Variants in OSBPL3 observed in about 807,000 individuals in gnomAD.
OSBPL3 encodes the protein oxysterol-binding protein-related protein 3.
In OSBPL3, 65 loss-of-function variants were observed where a neutral mutation model predicts 120.1. That is an observed-to-expected ratio of 0.54 (90% CI 0.44 to 0.67). The LOEUF is 0.67. Ranked by LOEUF, OSBPL3 falls within the 30% of genes least tolerant of loss-of-function variation. The pLI is 0.00. For synonymous variants in OSBPL3, 416 were observed against 402.6 expected, an observed-to-expected ratio of 1.03 and a Z score of -0.40; for missense variants, 1,004 against 1,082.1, an observed-to-expected ratio of 0.93 and a Z score of 1.01.
chr7:24,847,648 G>A (rs1798606113), intron 12 of OSBPL3, among the ~76,000 whole-genome samples: 1 of 152,150 alleles, frequency 6.6e-6, no homozygotes, highest in African/African-American at 2.4e-5. Context: ...AAGCATAAAT[G>A]AACGTTATGT....
intron 1 of OSBPL3, among the ~76,000 whole-genome samples, chr7:24,971,373 T>G (rs1001219409): frequency 1.3e-5 from 2 of 152,128 alleles, no homozygotes; most frequent in African/African-American, 2.4e-5. Flanking sequence ...ACAAATCAGT[T>G]CAAGGAACTA....
intron 1 of OSBPL3, among the ~76,000 whole-genome samples, chr7:24,935,805 T>C (rs567998170): frequency 2.6e-5 from 4 of 152,216 alleles, no homozygotes; most frequent in African/African-American, 4.8e-5. Context: ...TATTTTGCAA[T>C]GAGTATGAGT....
chr7:24,872,085 A>T lies in OSBPL3; in HGVS notation c.97-16T>A. On this transcript the variant is annotated splice_polypyrimidine_tract_variant and intron_variant, in intron 2 of 22. Transcript: ENST00000313367. This position sits in a 1 kb window ranked among gnomAD's most constrained non-coding sequence, Gnocchi z 4.1. Reference sequence around the variant, plus strand: ...CCCAGCTGTCCTGTTCCAACAAAAGAGTTCATGTTAAATGTCTATCTTTTT... The same window carrying T: ...CCCAGCTGTCCTGTTCCAACAAAAGTGTTCATGTTAAATGTCTATCTTTTT... 6.6e-7 allele frequency: 1 copy of T among 1,504,900 alleles called. No homozygotes were observed. The highest frequency in any genetic ancestry group is 1.7e-5 in the Admixed American group (1 of 59,758). The allele number at this position is 1,504,900 out of a possible 1,614,324, so 93.2% of individuals were successfully genotyped here.
chr7:24,817,654 T>C lies in OSBPL3; in HGVS notation c.1949-966A>G, dbSNP rs1160352819. Among the ~76,000 whole-genome samples, 1 of 152,024 alleles carries C rather than the reference T, an allele frequency of 6.6e-6. No homozygotes were observed. The highest frequency in any genetic ancestry group is 1.5e-5 in the Non-Finnish European group (1 of 68,010). On this transcript the variant is annotated intron_variant, in intron 17 of 22. Transcript: ENST00000313367. This position sits in a 1 kb window ranked among gnomAD's most constrained non-coding sequence, Gnocchi z 4.0. ...AGGCAATTGGAAGCCATATGGAGAATGGAACAGGAGTAGGAGAGAGGAGAA... is the reference window on the plus strand; with the variant it reads ...AGGCAATTGGAAGCCATATGGAGAACGGAACAGGAGTAGGAGAGAGGAGAA...
Position 24,804,827 on chromosome 7 carries a change from T to C in OSBPL3, c.2445-390A>G, listed in dbSNP as rs528649461. The stretch of plus-strand genomic sequence containing the variant: ...CTTATCCCTCCCTCCGTTTAAAAAA[T>C]ATAAATGGTAGCATGCTATGTATCC... On this transcript the variant is annotated intron_variant, in intron 21 of 22. Coordinates refer to ENST00000313367, the MANE Select transcript of OSBPL3 (RefSeq NM_015550.4). The surrounding 1 kb of genome is among the most constrained non-coding windows in gnomAD (Gnocchi z 5.4). 5.3e-5 allele frequency among the ~76,000 whole-genome samples: 8 copies of C among 152,324 alleles called. No homozygotes were observed. In the East Asian group the frequency reaches 7.7e-4, roughly 15 times the overall value.
intron 6 of OSBPL3, 37 bp downstream of exon 6, chr7:24,866,033 C>A (rs778868199): frequency 3.8e-5 from 59 of 1,569,168 alleles, no homozygotes; most frequent in Non-Finnish European, 5.0e-5. Flanking sequence ...CAAAGCCACC[C>A]CGTTCTCAGA....
Position 24,873,425 on chromosome 7 carries a change from AT to A in OSBPL3, c.97-1357del, listed in dbSNP as rs550033981. Among the ~76,000 whole-genome samples, 320 of 152,344 alleles carry A rather than the reference AT, an allele frequency of 2.1e-3. No individual in the cohort carries two copies. Among genetic ancestry groups the A allele is most frequent in the Middle Eastern group, 6.8e-3 (2 of 294 alleles). On this transcript the variant is annotated intron_variant, in intron 2 of 22. Transcript: ENST00000313367. The surrounding 1 kb of genome is among the most constrained non-coding windows in gnomAD (Gnocchi z 4.1). Reference sequence around the variant, plus strand: ...CTGAATTCTTTACATAATGATCGTGATGGGTCTGCCTTCTATCTGATGGCAC... The same window carrying A: ...CTGAATTCTTTACATAATGATCGTGAGGGTCTGCCTTCTATCTGATGGCAC...
chr7:24,830,964 CAAA>C lies in OSBPL3; in HGVS notation c.1747-62_1747-60del. 10 of 1,472,492 alleles carry C rather than the reference CAAA, an allele frequency of 6.8e-6. No individual in the cohort carries two copies. Among genetic ancestry groups the C allele is most frequent in the Non-Finnish European group, 8.2e-6 (9 of 1,104,210 alleles). 91.2% of individuals were successfully genotyped at this position (1,472,492 alleles called of 1,614,324 possible). On this transcript the variant is annotated intron_variant, in intron 15 of 22. Coordinates refer to ENST00000313367, the MANE Select transcript of OSBPL3 (RefSeq NM_015550.4). The surrounding 1 kb of genome is among the most constrained non-coding windows in gnomAD (Gnocchi z 4.4). Reference sequence around the variant, plus strand: ...GTGTCACCAAGAGCTTTATTGTTCACAAAGAACTAAACAAAATAAAACCTCTAT... The same window carrying C: ...GTGTCACCAAGAGCTTTATTGTTCACGAACTAAACAAAATAAAACCTCTAT...
chr7:24,885,271 A>G (rs1804341955), intron 2 of OSBPL3, among the ~76,000 whole-genome samples: 1 of 151,850 alleles, frequency 6.6e-6, no homozygotes, highest in Admixed American at 6.6e-5. Context: ...CATTTTCAAT[A>G]CCCAGACAGC....
Position 24,806,636 on chromosome 7 carries a change from T to C in OSBPL3, c.2444+140A>G. The C allele has an allele frequency of 1.4e-6, 1 of 708,490 alleles. No homozygotes were observed. Among genetic ancestry groups the C allele is most frequent in the Non-Finnish European group, 2.3e-6 (1 of 434,304 alleles). The allele number at this position is 708,490 out of a possible 1,614,324, so 43.9% of individuals were successfully genotyped here. A position where few individuals can be genotyped will look rare whatever the true frequency, so the allele number is the denominator to read the frequency against. On this transcript the variant is annotated intron_variant, in intron 21 of 22. Transcript: ENST00000313367. This position sits in a 1 kb window ranked among gnomAD's most constrained non-coding sequence, Gnocchi z 5.2. ...CCCCATCTCCTCCGTGATACAATTGTTTAAAGCATCCCCACCTCTCAATTC... is the reference window on the plus strand; with the variant it reads ...CCCCATCTCCTCCGTGATACAATTGCTTAAAGCATCCCCACCTCTCAATTC...
rs374429089 is a variant in OSBPL3, at chr7:24,866,150, G to C, written c.469C>G (p.His157Asp). The C allele has an allele frequency of 1.2e-6, 2 of 1,612,970 alleles. No homozygotes were observed. Among genetic ancestry groups the C allele is most frequent in the African/African-American group, 2.7e-5 (2 of 74,912 alleles). Reference protein sequence around the residue: ...YRQNEIAMFPHEVNHFFSGST... With the variant: ...YRQNEIAMFPDEVNHFFSGST... Reference sequence around the variant, plus strand: ...CCTGAGAAAAAGTGGTTAACTTCATGTGGAAACATGGCAATTTCATTCTGA... The same window carrying C: ...CCTGAGAAAAAGTGGTTAACTTCATCTGGAAACATGGCAATTTCATTCTGA... Residue 157 changes from histidine (H) to aspartate (D), a missense_variant, in exon 6 of 23, where the codon CAT becomes GAT. His to Asp is a moderately conservative substitution (Grantham distance 81, BLOSUM62 -1). This residue lies in a region of OSBPL3 where 255 missense variants were observed against 248.7 expected (regional missense o/e 1.03). Coordinates refer to ENST00000313367, the MANE Select transcript of OSBPL3 (RefSeq NM_015550.4).
In OSBPL3 at chr7:24,816,778, T is replaced by C. The variant is rs192978070; in HGVS notation, c.1949-90A>G. On this transcript the variant is annotated intron_variant, in intron 17 of 22. Transcript: ENST00000313367. ...GCTAGATAAATGATCAATCGCTATA[T>C]AGTACAACCTCTTCACAATCAAGTC... 169 of 824,294 alleles carry C rather than the reference T, an allele frequency of 2.1e-4. 1 individual carries two copies. Among genetic ancestry groups the C allele is most frequent in the Non-Finnish European group, 3.1e-4 (148 of 471,698 alleles). 51.1% of individuals were successfully genotyped at this position (824,294 alleles called of 1,614,324 possible). A position where few individuals can be genotyped will look rare whatever the true frequency, so the allele number is the denominator to read the frequency against.
intron 14 of OSBPL3, among the ~76,000 whole-genome samples, chr7:24,836,059 C>A (rs902941740): frequency 1.0e-3 from 157 of 151,854 alleles, no homozygotes; most frequent in Non-Finnish European, 8.4e-4. Flanking sequence ...ACATGTACCC[C>A]TGAACCTAAG....
rs1258427925 is a variant in OSBPL3 at position 24,865,466 on chromosome 7, C to T, written c.550-1G>A. On this transcript the variant is annotated splice_acceptor_variant, in intron 6 of 22. Transcript: ENST00000313367. LOFTEE classifies it high-confidence loss of function. ...AATTCTGCTTTGATATACTGCTACG[C>T]TGTTCCACGGATGACAAAAGCACAT... 6.8e-6 allele frequency: 11 copies of T among 1,613,314 alleles called. No individual in the cohort carries two copies. The highest frequency in any genetic ancestry group is 9.3e-6 in the Non-Finnish European group (11 of 1,179,546).
At chr7:24,845,490 T>C (rs906401476) in intron 12 of OSBPL3, among the ~76,000 whole-genome samples, 3 of 150,508 alleles carry the variant, frequency 2.0e-5, no homozygotes, top group Non-Finnish European at 3.0e-5. Flanking sequence ...ATGGCCTTTT[T>C]CCATTTACTT....
At chr7:24,980,681 A>G (rs1042034264), upstream of OSBPL3, among the ~76,000 whole-genome samples, 74 of 151,780 alleles carry the variant, frequency 4.9e-4, no homozygotes, top group African/African-American at 1.7e-3. Flanking sequence ...GAGGAAATAC[A>G]TAGGGAGGCA....
Position 24,980,066 on chromosome 7 carries a change from G to A in OSBPL3, c.-330C>T. 2 of 985,026 alleles carry A rather than the reference G, an allele frequency of 2.0e-6. No individual in the cohort carries two copies. Among genetic ancestry groups the A allele is most frequent in the Non-Finnish European group, 2.4e-6 (2 of 829,676 alleles). 61.0% of individuals were successfully genotyped at this position (985,026 alleles called of 1,614,324 possible). On this transcript the variant is annotated 5_prime_UTR_variant, in exon 1 of 23. Coordinates refer to ENST00000313367, the MANE Select transcript of OSBPL3 (RefSeq NM_015550.4). The stretch of plus-strand genomic sequence containing the variant: ...ATGGCCACTTGCAGACAGACTGCGG[G>A]GCCGGAGCCGCGCTGCGCACCGGCC...
In OSBPL3 at chr7:24,855,511, C is replaced by T. The variant is rs1025681589; in HGVS notation, c.1028-2877G>A. ...TTATATTTTATTGTAAGGAATAAAA[C>T]GCTTCCTAAATCATCTGAAAAAAGG... On this transcript the variant is annotated intron_variant, in intron 10 of 22. Coordinates refer to ENST00000313367, the MANE Select transcript of OSBPL3 (RefSeq NM_015550.4). The surrounding 1 kb of genome is among the most constrained non-coding windows in gnomAD (Gnocchi z 4.3). Among the ~76,000 whole-genome samples, 1 of 152,094 alleles carries T rather than the reference C, an allele frequency of 6.6e-6. No homozygotes were observed. Among genetic ancestry groups the T allele is most frequent in the Non-Finnish European group, 1.5e-5 (1 of 68,004 alleles).
chr7:24,952,471 A>T lies in OSBPL3; in HGVS notation c.-150+27415T>A, dbSNP rs1814556362. Among the ~76,000 whole-genome samples, 2 of 152,208 alleles carry T rather than the reference A, an allele frequency of 1.3e-5. No homozygotes were observed. Among genetic ancestry groups the T allele is most frequent in the Admixed American group, 1.3e-4 (2 of 15,288 alleles). ...CTCAGAAGGTATGGTCTAATCTAAC[A>T]TGTCTAAAATATTATTTGTAATACC... is the stretch of plus-strand genomic sequence containing the variant. On this transcript the variant is annotated intron_variant, in intron 1 of 22. Transcript: ENST00000313367. The surrounding 1 kb of genome is among the most constrained non-coding windows in gnomAD (Gnocchi z 4.4).
Sources: allele counts gnomAD v4.1 joint callset (sites outside exome capture counted in the v4.1 genomes callset), GRCh38; gene constraint gnomAD v4.1.1; regional missense constraint gnomAD v4.1.1; non-coding constraint Gnocchi (gnomAD v3.1); transcripts MANE v1.5; gene names NCBI Gene and HGNC (gene_info 2026-07-23, HGNC 2026-07-21).